Variants in APLF observed in about 807,000 individuals in gnomAD.
APLF encodes aprataxin and PNK-like factor.
APLF carries 61 observed loss-of-function variants against 55.6 expected under a neutral mutation model. The observed-to-expected ratio is 1.10, with a 90% CI of 0.89 to 1.36. The LOEUF (loss-of-function observed/expected upper bound fraction) is 1.36, where lower values mean the gene tolerates loss of function less well. APLF is among the 40% of genes most tolerant of loss of function. The pLI is 0.00. For missense variants in APLF, 611 were observed against 602.5 expected, an observed-to-expected ratio of 1.01 and a Z score of -0.15; for synonymous variants, 207 against 214.8, an observed-to-expected ratio of 0.96 and a Z score of 0.32.
intron 8 of APLF, among the ~76,000 whole-genome samples, chr2:68,556,939 C>G (rs547313869): frequency 2.0e-5 from 3 of 152,296 alleles, no homozygotes; most frequent in South Asian, 4.2e-4. Flanking sequence ...TTTCTCAAGA[C>G]ATATATGTGA....
rs544984003 is a variant in APLF at position 68,473,950 on chromosome 2, C to G, written c.96+6123C>G. Among the ~76,000 whole-genome samples, 3 of 152,336 alleles carry G rather than the reference C, an allele frequency of 2.0e-5. No homozygotes were observed. The South Asian group carries it at 6.2e-4, about 32-fold the overall frequency. ...GGGCTCAGTTCCCAAGATTTCCCCCCACTTCTGATGGCAATTGCAAGCCCC... is the reference window on the plus strand; with the variant it reads ...GGGCTCAGTTCCCAAGATTTCCCCCGACTTCTGATGGCAATTGCAAGCCCC... On this transcript the variant is annotated intron_variant, in intron 1 of 9. Transcript: ENST00000303795.
intron 1 of APLF, among the ~76,000 whole-genome samples, chr2:68,487,472 T>C (rs1019369423): frequency 6.6e-6 from 1 of 152,100 alleles, no homozygotes; most frequent in Non-Finnish European, 1.5e-5. Context: ...TTCTCACCTA[T>C]GAAGTGAAGT....
chr2:68,577,616 A>C (rs891547126), intron 9 of APLF, among the ~76,000 whole-genome samples: 15 of 152,198 alleles, frequency 9.9e-5, no homozygotes, highest in African/African-American at 3.6e-4. Context: ...GGGTCATTTT[A>C]GTTTCAGGAG....
intron 7 of APLF, among the ~76,000 whole-genome samples, chr2:68,538,938 C>T (rs1200826949): frequency 6.6e-6 from 1 of 152,124 alleles, no homozygotes; most frequent in Non-Finnish European, 1.5e-5. Flanking sequence ...AGACACTAGT[C>T]AGCATGTATA....
intron 8 of APLF, among the ~76,000 whole-genome samples, chr2:68,559,007 A>C (rs985117371): frequency 6.6e-6 from 1 of 152,232 alleles, no homozygotes; most frequent in Non-Finnish European, 1.5e-5. Context: ...TGTTGCTACC[A>C]GTGTCTAGTT....
chr2:68,501,774 C>T (rs945250520), intron 2 of APLF, among the ~76,000 whole-genome samples: 1 of 152,124 alleles, frequency 6.6e-6, no homozygotes, highest in African/African-American at 2.4e-5. Flanking sequence ...GACAATTCCT[C>T]TTTCAGGAGG....
At chr2:68,556,182 T>A (rs1196508664) in intron 8 of APLF, among the ~76,000 whole-genome samples, 1 of 152,082 alleles carries the variant, frequency 6.6e-6, no homozygotes, top group Non-Finnish European at 1.5e-5. Flanking sequence ...AAAGATACAA[T>A]GGGCTTTGGG....
intron 6 of APLF, among the ~76,000 whole-genome samples, chr2:68,536,663 G>C (rs1670397764): frequency 6.6e-6 from 1 of 152,152 alleles, no homozygotes; most frequent in Non-Finnish European, 1.5e-5. Flanking sequence ...GTGCTAATGA[G>C]AGTATTTATT....
chr2:68,525,887 C>G (rs1670029867), intron 5 of APLF, among the ~76,000 whole-genome samples, 174 bp from the exon 6 acceptor site: 1 of 151,398 alleles, frequency 6.6e-6, no homozygotes, highest in Non-Finnish European at 1.5e-5. Context: ...GTAGCTGGGA[C>G]TGCAGGTGCA....
At position 68,528,197 on chromosome 2, in the gene APLF, C is replaced by G. The variant is rs999733087; in HGVS notation, c.804+1955C>G. 4 of 855,134 alleles carry G rather than the reference C, an allele frequency of 4.7e-6. No homozygotes were observed. The African/African-American group carries it at 6.7e-5, about 14-fold the overall frequency. The allele number at this position is 855,134 out of a possible 1,614,324, so 53.0% of individuals were successfully genotyped here. A position where few individuals can be genotyped will look rare whatever the true frequency, so the allele number is the denominator to read the frequency against. On this transcript the variant is annotated intron_variant, in intron 6 of 9. Coordinates refer to ENST00000303795, the MANE Select transcript of APLF (RefSeq NM_173545.3). ...TGACCTCCTGATCCGCCCACCTGGG[C>G]CTCCCAAAGTGCTGGATTACAGGCG...
Position 68,490,212 on chromosome 2 carries a change from G to A in APLF, c.119G>A (p.Arg40Lys), listed in dbSNP as rs1676315938. ...LLGITDKRVSRRHAILEVAGG... is the reference protein window; with the variant it reads ...LLGITDKRVSKRHAILEVAGG... ...TAGATAACAGACAAGAGAGTATCCA[G>A]AAGACATGCCATTCTTGAGGTGGCA... Residue 40 changes from arginine to lysine, a missense_variant, in exon 2 of 10, where the codon AGA becomes AAA. Coordinates refer to ENST00000303795, the MANE Select transcript of APLF (RefSeq NM_173545.3). 6.2e-7 allele frequency: 1 copy of A among 1,611,800 alleles called. No homozygotes were observed. Among genetic ancestry groups the A allele is most frequent in the East Asian group, 2.2e-5 (1 of 44,782 alleles).
At chr2:68,498,248 A>G (rs1676618563) in intron 2 of APLF, among the ~76,000 whole-genome samples, 2 of 152,222 alleles carry the variant, frequency 1.3e-5, no homozygotes, top group Admixed American at 6.5e-5. Context: ...TACAAGTGTA[A>G]TAAAATGTCA....
Position 68,545,325 on chromosome 2 carries a change from A to T in APLF, c.1286+13A>T. The T allele has an allele frequency of 1.2e-6, 2 of 1,603,840 alleles. No individual in the cohort carries two copies. Among genetic ancestry groups the T allele is most frequent in the Non-Finnish European group, 1.7e-6 (2 of 1,175,112 alleles). On this transcript the variant is annotated intron_variant, in intron 8 of 9. Transcript: ENST00000303795. ...CATCCTGTTATAGGTATAGAAACTGAATGTTTGGCTGCACTCCTTTTCTTT... is the reference window on the plus strand; with the variant it reads ...CATCCTGTTATAGGTATAGAAACTGTATGTTTGGCTGCACTCCTTTTCTTT...
chr2:68,535,445 T>C, intron 6 of APLF: 1 of 216,360 alleles, frequency 4.6e-6, no homozygotes. Flanking sequence ...CATAGATATA[T>C]AAGGAATTTT....
At chr2:68,476,895 T>A (rs1447116622) in intron 1 of APLF, among the ~76,000 whole-genome samples, 1 of 152,138 alleles carries the variant, frequency 6.6e-6, no homozygotes, top group Admixed American at 6.6e-5. Flanking sequence ...TAGGTCCACT[T>A]CTATGCAGAT....
intron 7 of APLF, among the ~76,000 whole-genome samples, chr2:68,538,882 A>C (rs1670476575): frequency 6.6e-6 from 1 of 152,194 alleles, no homozygotes; most frequent in Non-Finnish European, 1.5e-5. Context: ...TTGCCAAACC[A>C]AATATCCTAG....
intron 9 of APLF, among the ~76,000 whole-genome samples, chr2:68,576,242 A>G (rs754280454): frequency 3.9e-5 from 6 of 152,142 alleles, no homozygotes; most frequent in Non-Finnish European, 8.8e-5. Flanking sequence ...AAAAATAGAG[A>G]TATTGATGTT....
intron 8 of APLF, among the ~76,000 whole-genome samples, chr2:68,564,691 G>A (rs187297903): frequency 2.0e-5 from 3 of 152,164 alleles, no homozygotes; most frequent in East Asian, 1.9e-4. Flanking sequence ...CTCAGACAGC[G>A]TGCAGGGAGG....
chr2:68,493,727 G>A (rs1481028035), intron 2 of APLF, among the ~76,000 whole-genome samples: 1 of 152,168 alleles, frequency 6.6e-6, no homozygotes, highest in Non-Finnish European at 1.5e-5. Flanking sequence ...AATTTGGGAG[G>A]TGAAGGCGGG....
Sources: gnomAD v4.1 joint callset for allele counts (sites outside exome capture counted in the v4.1 genomes callset) on GRCh38, gnomAD v4.1.1 for gene constraint, MANE v1.5 for transcripts, NCBI Gene and HGNC (gene_info 2026-07-23, HGNC 2026-07-21) for gene names.